The following OLA1 variants were observed in gnomAD, a reference collection of about 807,000 sequenced individuals.
OLA1 encodes the protein Obg like ATPase 1.
A neutral mutation model predicts 48.4 loss-of-function variants in OLA1; 14 were observed. That is an observed-to-expected ratio of 0.29 (90% CI 0.19 to 0.45). The LOEUF (loss-of-function observed/expected upper bound fraction) is 0.45. OLA1 is among the 20% of genes least tolerant of loss of function. The pLI, the probability that OLA1 is intolerant of heterozygous loss-of-function variation, is 1.00. For missense variants in OLA1, 325 were observed against 467.1 expected, an observed-to-expected ratio of 0.70 and a Z score of 2.80; for synonymous variants, 127 against 150.4, an observed-to-expected ratio of 0.84 and a Z score of 1.14.
intron 4 of OLA1, among the ~76,000 whole-genome samples, chr2:174,200,177 G>A (rs1410614250): frequency 6.6e-6 from 1 of 151,956 alleles, no homozygotes; most frequent in African/African-American, 2.4e-5. Context: ...AATACTGATT[G>A]ACATTTACCT....
intron 7 of OLA1, among the ~76,000 whole-genome samples, chr2:174,117,568 C>T (rs1685812180): frequency 6.6e-6 from 1 of 152,120 alleles, no homozygotes; most frequent in Non-Finnish European, 1.5e-5. Context: ...GTCTATTTAA[C>T]TCATCAAATA....
chr2:174,229,753 T>C lies in OLA1; in HGVS notation c.102-302A>G, dbSNP rs181501118. Among the ~76,000 whole-genome samples the C allele has an allele frequency of 1.6e-3, 245 of 152,234 alleles. 1 individual carries two copies. The highest frequency in any genetic ancestry group is 2.9e-3 in the Admixed American group (45 of 15,296). ...GTTTCATGTCATACTACAAAATCTA[T>C]TTTTTTTCCATAATATACCTGATCG... On this transcript the variant is annotated intron_variant, in intron 2 of 10. Coordinates refer to ENST00000284719, the MANE Select transcript of OLA1 (RefSeq NM_013341.5).
intron 7 of OLA1, among the ~76,000 whole-genome samples, chr2:174,108,823 A>G (rs538502594): frequency 6.6e-6 from 1 of 152,322 alleles, no homozygotes; most frequent in African/African-American, 2.4e-5. Flanking sequence ...ACATCAGCCA[A>G]TCATGCCCTA....
intron 3 of OLA1, among the ~76,000 whole-genome samples, chr2:174,224,771 C>T (rs10432478): frequency 0.13 from 19,392 of 152,034 alleles, 1,448 homozygotes; most frequent in East Asian, 0.21. Flanking sequence ...ATCCTGTGAC[C>T]ACAAGGGGAA....
chr2:174,127,991 T>G (rs1416516565), intron 5 of OLA1, among the ~76,000 whole-genome samples: 1 of 151,664 alleles, frequency 6.6e-6, no homozygotes, highest in African/African-American at 2.4e-5. Flanking sequence ...AAAAAAATGT[T>G]TAGGGAGAAA....
intron 4 of OLA1, among the ~76,000 whole-genome samples, chr2:174,152,402 C>G (rs1198258703): frequency 6.6e-6 from 1 of 151,500 alleles, no homozygotes; most frequent in East Asian, 1.9e-4. Context: ...GACTCCGTCT[C>G]AAAAAATAAA....
At chr2:174,134,601 C>T (rs1375518141) in intron 5 of OLA1, among the ~76,000 whole-genome samples, 1 of 151,910 alleles carries the variant, frequency 6.6e-6, no homozygotes, top group Non-Finnish European at 1.5e-5. Context: ...TTTGTTTTTA[C>T]TTTTTATTTT....
chr2:174,124,694 G>T (rs1222533137), intron 5 of OLA1, among the ~76,000 whole-genome samples: 1 of 152,084 alleles, frequency 6.6e-6, no homozygotes. Context: ...TTTTAAATAT[G>T]CATTTCTCAA....
intron 4 of OLA1, among the ~76,000 whole-genome samples, chr2:174,142,472 A>C (rs1450926554): frequency 6.6e-6 from 1 of 152,174 alleles, no homozygotes; most frequent in East Asian, 1.9e-4. Context: ...AACCACTCAG[A>C]CACACAATTT....
intron 4 of OLA1, among the ~76,000 whole-genome samples, chr2:174,167,819 TGG>T (rs1687201521): frequency 6.6e-6 from 1 of 152,200 alleles, no homozygotes; most frequent in Non-Finnish European, 1.5e-5. Flanking sequence ...AGTAAAGTAC[TGG>T]TACATAAAAC....
intron 3 of OLA1, among the ~76,000 whole-genome samples, chr2:174,226,603 G>A (rs1574565295): frequency 6.6e-6 from 1 of 151,992 alleles, no homozygotes; most frequent in Non-Finnish European, 1.5e-5. Context: ...AAGTTCAAGC[G>A]ATTCTCCTGC....
intron 2 of OLA1, among the ~76,000 whole-genome samples, chr2:174,234,861 T>C (rs1460874497): frequency 6.6e-6 from 1 of 152,188 alleles, no homozygotes; most frequent in African/African-American, 2.4e-5. Flanking sequence ...GAAACTCATT[T>C]AAAATTTTAA....
At chr2:174,222,913 A>T in intron 4 of OLA1, 120 bp downstream of exon 4, 2 of 1,047,128 alleles carry the variant, frequency 1.9e-6, no homozygotes, top group Non-Finnish European at 2.7e-6. Context: ...GACAAACCCA[A>T]GATTCATCTG....
chr2:174,130,767 A>G (rs571071704), intron 5 of OLA1, among the ~76,000 whole-genome samples: 1 of 152,202 alleles, frequency 6.6e-6, no homozygotes, highest in African/African-American at 2.4e-5. Flanking sequence ...AAAATGACTG[A>G]GAAACAAAAA....
In OLA1 at chr2:174,223,189, A is replaced by G. The variant is rs1688544846; in HGVS notation, c.246-29T>C. On this transcript the variant is annotated intron_variant, in intron 3 of 10. Coordinates refer to ENST00000284719, the MANE Select transcript of OLA1 (RefSeq NM_013341.5). Reference sequence around the variant, plus strand: ...AAAAACAAAAGATGGCTTTATTATAAAACAGTACTAAAAACTTATCTATCA... The same window carrying G: ...AAAAACAAAAGATGGCTTTATTATAGAACAGTACTAAAAACTTATCTATCA... 7 of 1,605,464 alleles carry G rather than the reference A, an allele frequency of 4.4e-6. No individual in the cohort carries two copies. The East Asian group carries it at 1.6e-4, about 36-fold the overall frequency.
chr2:174,178,283 T>C (rs1687462177), intron 4 of OLA1, among the ~76,000 whole-genome samples: 1 of 151,982 alleles, frequency 6.6e-6, no homozygotes, highest in Admixed American at 6.6e-5. Flanking sequence ...ACGCAAAAGT[T>C]AAAAACACCT....
chr2:174,135,118 C>A (rs560539749), intron 5 of OLA1, among the ~76,000 whole-genome samples: 1 of 148,170 alleles, frequency 6.7e-6, no homozygotes, highest in East Asian at 2.0e-4. Flanking sequence ...CAAGATCGTG[C>A]CACTGCACTC....
intron 5 of OLA1, among the ~76,000 whole-genome samples, chr2:174,136,054 T>C (rs549715969): frequency 6.6e-6 from 1 of 152,354 alleles, no homozygotes; most frequent in East Asian, 1.9e-4. Context: ...ATGCTAATGA[T>C]CATCTCTGCT....
intron 4 of OLA1, among the ~76,000 whole-genome samples, chr2:174,183,366 G>T (rs1687589699): frequency 1.3e-5 from 2 of 152,170 alleles, no homozygotes; most frequent in Non-Finnish European, 2.9e-5. Context: ...TCTCTCATGG[G>T]TTTCTTCAGA....
Sources: gnomAD v4.1 joint callset for allele counts (sites outside exome capture counted in the v4.1 genomes callset) on GRCh38, gnomAD v4.1.1 for gene constraint, MANE v1.5 for transcripts, NCBI Gene and HGNC (gene_info 2026-07-23, HGNC 2026-07-21) for gene names.